Variants in SNTB1 observed in about 807,000 individuals in gnomAD.
The protein encoded by SNTB1 is syntrophin beta 1.
A neutral mutation model predicts 48.9 loss-of-function variants in SNTB1; 36 were observed. That is an observed-to-expected ratio of 0.74 (90% confidence interval 0.56 to 0.97). The LOEUF is 0.97. Ranked by LOEUF, SNTB1 falls within the 50% of genes least tolerant of loss-of-function variation. The pLI, the probability that SNTB1 is intolerant of heterozygous loss-of-function variation, is 0.00. For missense variants in SNTB1, 786 were observed against 703.4 expected (o/e 1.12, Z -1.33); for synonymous variants, 299 against 294.6 (o/e 1.01, Z -0.15).
chr8:120,733,661 A>C (rs938246353), intron 1 of SNTB1, among the ~76,000 whole-genome samples: 16 of 152,284 alleles, frequency 1.1e-4, no homozygotes, highest in Admixed American at 6.5e-4. Flanking sequence ...TATCCCTTCC[A>C]TTTGTTTCCA....
intron 1 of SNTB1, among the ~76,000 whole-genome samples, chr8:120,767,579 C>A (rs557615913): frequency 5.7e-4 from 87 of 152,326 alleles, no homozygotes; most frequent in African/African-American, 2.1e-3. Context: ...TACAGCCAGA[C>A]TGTCTTGGTT....
intron 3 of SNTB1, among the ~76,000 whole-genome samples, chr8:120,585,590 G>A (rs1433772638): frequency 6.6e-6 from 1 of 152,186 alleles, no homozygotes; most frequent in Non-Finnish European, 1.5e-5. Context: ...ACAAGTAGCT[G>A]GGGCAAAATT....
chr8:120,588,010 A>T (rs968445318), intron 3 of SNTB1, among the ~76,000 whole-genome samples: 6 of 152,190 alleles, frequency 3.9e-5, no homozygotes, highest in African/African-American at 9.7e-5. Context: ...CAATTTTTTT[A>T]AAAAAGCTAT....
intron 3 of SNTB1, among the ~76,000 whole-genome samples, chr8:120,579,691 AAAACAAACAAAC>A (rs145594222): frequency 2.0e-5 from 3 of 151,834 alleles, no homozygotes; most frequent in Admixed American, 6.6e-5. Context: ...AAAAGAAAAG[AAAACAAACAAAC>A]AAACAAACAA....
At chr8:120,667,581 G>A (rs1033291042) in intron 2 of SNTB1, among the ~76,000 whole-genome samples, 1 of 152,078 alleles carries the variant, frequency 6.6e-6, no homozygotes, top group Non-Finnish European at 1.5e-5. Flanking sequence ...GCCCAGGCTG[G>A]TGTTTGGCCT....
chr8:120,713,661 C>T (rs1269124286), intron 1 of SNTB1, among the ~76,000 whole-genome samples: 3 of 152,102 alleles, frequency 2.0e-5, no homozygotes, highest in East Asian at 3.9e-4. Context: ...ACCTGGGAGG[C>T]GAAGCTTGCA....
chr8:120,723,296 T>TTA lies in SNTB1; in HGVS notation c.572-29390_572-29389dup, dbSNP rs1001571395. 4.6e-5 allele frequency among the ~76,000 whole-genome samples: 7 copies of TTA among 152,266 alleles called. No individual in the cohort carries two copies. The East Asian group carries it at 5.8e-4, about 13-fold the overall frequency. On this transcript the variant is annotated intron_variant, in intron 1 of 6. Transcript: ENST00000517992. ...GTTTAAAGGAGCTGTATATGACATA[T>TTA]TATATATATATTGCATATTCATACG...
intron 1 of SNTB1, among the ~76,000 whole-genome samples, chr8:120,745,194 T>C (rs2130016645): frequency 6.6e-6 from 1 of 152,050 alleles, no homozygotes; most frequent in East Asian, 1.9e-4. Flanking sequence ...TGGGGCAGAG[T>C]GGAGAGTCTT....
intron 4 of SNTB1, among the ~76,000 whole-genome samples, chr8:120,563,951 C>CA (rs1234084604): frequency 6.6e-6 from 1 of 151,836 alleles, no homozygotes; most frequent in Non-Finnish European, 1.5e-5. Flanking sequence ...ACTAAAAATA[C>CA]AAAAAAATTA....
At chr8:120,547,901 C>A (rs1815410373) in intron 5 of SNTB1, among the ~76,000 whole-genome samples, 1 of 152,150 alleles carries the variant, frequency 6.6e-6, no homozygotes, top group South Asian at 2.1e-4. Context: ...TTGGCTCCTG[C>A]TCTTTTTTAC....
chr8:120,594,313 C>A (rs1050938208), intron 3 of SNTB1, among the ~76,000 whole-genome samples: 2 of 152,188 alleles, frequency 1.3e-5, no homozygotes, highest in Non-Finnish European at 2.9e-5. Context: ...TCTCAGCTCA[C>A]TGCAACCTCC....
At chr8:120,638,767 G>A (rs1245584003) in intron 2 of SNTB1, among the ~76,000 whole-genome samples, 2 of 152,162 alleles carry the variant, frequency 1.3e-5, no homozygotes, top group African/African-American at 4.8e-5. Flanking sequence ...GTATTCCATG[G>A]TGTATATGTG....
chr8:120,543,242 T>A (rs1488167191), intron 5 of SNTB1, among the ~76,000 whole-genome samples: 2 of 152,168 alleles, frequency 1.3e-5, no homozygotes, highest in Non-Finnish European at 2.9e-5. Context: ...AAGGATCAGA[T>A]TGGATTTTTT....
At chr8:120,719,409 ATG>A (rs754650754) in intron 1 of SNTB1, among the ~76,000 whole-genome samples, 6 of 152,172 alleles carry the variant, frequency 3.9e-5, no homozygotes, top group Non-Finnish European at 8.8e-5. Flanking sequence ...CATCTTGCAG[ATG>A]ACCTGTTGTG....
At chr8:120,555,847 C>A (rs141128390) in intron 4 of SNTB1, among the ~76,000 whole-genome samples, 310 of 152,270 alleles carry the variant, frequency 2.0e-3, no homozygotes, top group African/African-American at 7.1e-3. Context: ...ATCTCTCCCC[C>A]TCCCGTGCAC....
At chr8:120,658,005 T>C (rs1430607005) in intron 2 of SNTB1, among the ~76,000 whole-genome samples, 2 of 152,264 alleles carry the variant, frequency 1.3e-5, no homozygotes, top group African/African-American at 4.8e-5. Flanking sequence ...TTATTTAGTA[T>C]GTGAAGTTAG....
chr8:120,648,913 C>T (rs1817353844), intron 2 of SNTB1, among the ~76,000 whole-genome samples: 1 of 151,772 alleles, frequency 6.6e-6, no homozygotes, highest in Non-Finnish European at 1.5e-5. Context: ...TCATTTCATT[C>T]ATTTCATCTT....
At chr8:120,567,581 T>C (rs897848488) in intron 4 of SNTB1, among the ~76,000 whole-genome samples, 2 of 151,998 alleles carry the variant, frequency 1.3e-5, no homozygotes, top group Non-Finnish European at 2.9e-5. Context: ...CCACCATGCA[T>C]GGCTAATTGT....
intron 1 of SNTB1, among the ~76,000 whole-genome samples, chr8:120,779,576 A>G (rs761659685): frequency 6.6e-5 from 10 of 152,318 alleles, no homozygotes; most frequent in Middle Eastern, 3.4e-3. Flanking sequence ...TGAGAGCCCA[A>G]CTGTAGAAGA....
Sources: gnomAD v4.1 joint callset for allele counts (sites outside exome capture counted in the v4.1 genomes callset) on GRCh38, gnomAD v4.1.1 for gene constraint, MANE v1.5 for transcripts, NCBI Gene and HGNC (gene_info 2026-07-23, HGNC 2026-07-21) for gene names.